SND1: variants seen among roughly 807,000 people sequenced by gnomAD.
The protein encoded by SND1 is staphylococcal nuclease and tudor domain containing 1.
Under a neutral mutation model 121.7 loss-of-function variants are expected in SND1, and 38 were observed. That is an observed-to-expected ratio of 0.31 (90% CI 0.24 to 0.41). SND1 has a LOEUF of 0.41. Ranked by LOEUF, SND1 falls within the 10% of genes least tolerant of loss-of-function variation. The probability of loss-of-function intolerance (pLI) is 1.00; values close to 1 mark genes in which losing one functional copy is unlikely to be tolerated. For missense variants in SND1, 868 were observed against 1,184.6 expected, an observed-to-expected ratio of 0.73 and a Z score of 3.92; for synonymous variants, 401 against 447.4, an observed-to-expected ratio of 0.90 and a Z score of 1.31.
intron 16 of SND1, among the ~76,000 whole-genome samples, chr7:128,000,773 A>T (rs914072394): frequency 6.6e-6 from 1 of 152,184 alleles, no homozygotes; most frequent in Non-Finnish European, 1.5e-5. Flanking sequence ...AATATCCCCT[A>T]TGGAATTACA....
intron 15 of SND1, among the ~76,000 whole-genome samples, chr7:127,939,161 G>A (rs995796721): frequency 9.2e-5 from 14 of 152,198 alleles, no homozygotes; most frequent in African/African-American, 3.1e-4. Context: ...AGAGAGGAGT[G>A]GAGCCAGGTA....
At position 128,092,313 on chromosome 7, in the gene SND1, T is replaced by C; in HGVS notation, c.*255T>C. On this transcript the variant is annotated 3_prime_UTR_variant, in exon 24 of 24. Transcript: ENST00000354725. This position sits in a 1 kb window ranked among gnomAD's most constrained non-coding sequence, Gnocchi z 4.9. The stretch of plus-strand genomic sequence containing the variant: ...TCTGCCAGTTGGTTTTATTTGGAGG[T>C]TTGTGGGCTTTTTTTAAAAAAAAAA... 3 of 472,746 alleles carry C rather than the reference T, an allele frequency of 6.3e-6. No individual in the cohort carries two copies. Among genetic ancestry groups the C allele is most frequent in the Non-Finnish European group, 7.5e-6 (2 of 267,224 alleles). The allele number at this position is 472,746 out of a possible 1,614,324, so 29.3% of individuals were successfully genotyped here. A position where few individuals can be genotyped will look rare whatever the true frequency, so the allele number is the denominator to read the frequency against.
chr7:127,700,173 C>G (rs1369229728), intron 4 of SND1, among the ~76,000 whole-genome samples: 2 of 152,226 alleles, frequency 1.3e-5, no homozygotes, highest in African/African-American at 4.8e-5. Context: ...TGGACCATCT[C>G]AACAAATAAA....
At chr7:127,712,006 C>T (rs1368421015) in intron 9 of SND1, among the ~76,000 whole-genome samples, 1 of 151,704 alleles carries the variant, frequency 6.6e-6, no homozygotes, top group South Asian at 2.1e-4. Context: ...CCTCTCCTCT[C>T]CCCTTCTTGG....
intron 12 of SND1, among the ~76,000 whole-genome samples, chr7:127,875,503 G>A (rs1241108029): frequency 1.3e-5 from 2 of 152,150 alleles, no homozygotes; most frequent in Non-Finnish European, 2.9e-5. Flanking sequence ...AGAGGTATGA[G>A]GGTAGATTGT....
At chr7:127,901,255 T>C (rs1800225256) in intron 13 of SND1, among the ~76,000 whole-genome samples, 1 of 152,132 alleles carries the variant, frequency 6.6e-6, no homozygotes, top group Non-Finnish European at 1.5e-5. Context: ...TGGGTCTCCA[T>C]GTCATGTATC....
chr7:128,062,559 AATTGCCTG>A (rs1562886598), intron 16 of SND1, among the ~76,000 whole-genome samples: 1 of 152,180 alleles, frequency 6.6e-6, no homozygotes, highest in African/African-American at 2.4e-5. Context: ...GAAGCAAGTA[AATTGCCTG>A]ATCCCTAGCT....
chr7:127,912,880 C>G (rs970793779), intron 14 of SND1, among the ~76,000 whole-genome samples: 1 of 152,024 alleles, frequency 6.6e-6, no homozygotes, highest in Non-Finnish European at 1.5e-5. Context: ...TGTGAAAGTT[C>G]TAAAAAAAAG....
chr7:127,726,920 TTC>T (rs1381295047), intron 10 of SND1, among the ~76,000 whole-genome samples: 9 of 152,208 alleles, frequency 5.9e-5, no homozygotes, highest in East Asian at 1.9e-4. Context: ...TTGTATCTGT[TTC>T]TCTGTCTCTG....
At chr7:127,678,239 C>G (rs1413741254) in intron 1 of SND1, among the ~76,000 whole-genome samples, 1 of 152,238 alleles carries the variant, frequency 6.6e-6, no homozygotes, top group East Asian at 1.9e-4. Flanking sequence ...TTATTTTAGG[C>G]AAAAGTTACT....
At chr7:127,896,786 G>A (rs772285715) in intron 13 of SND1, among the ~76,000 whole-genome samples, 6 of 151,892 alleles carry the variant, frequency 4.0e-5, no homozygotes, top group South Asian at 2.1e-4. Flanking sequence ...TCCTTAATTC[G>A]ATTCCTTCTG....
chr7:127,935,791 C>T (rs1801048840), intron 15 of SND1, among the ~76,000 whole-genome samples: 3 of 152,196 alleles, frequency 2.0e-5, no homozygotes, highest in Admixed American at 6.5e-5. Context: ...CTGGAAATGT[C>T]TCTTTGCAGT....
chr7:127,929,147 T>C, intron 14 of SND1, 41 bp from the exon 15 acceptor site: 1 of 1,607,888 alleles, frequency 6.2e-7, no homozygotes, highest in African/African-American at 1.3e-5. Flanking sequence ...ACGTTGGGTT[T>C]TATTACTTTC....
At chr7:128,057,231 G>A (rs1231023967) in intron 16 of SND1, among the ~76,000 whole-genome samples, 1 of 152,206 alleles carries the variant, frequency 6.6e-6, no homozygotes, top group Non-Finnish European at 1.5e-5. Context: ...CACAACTGGG[G>A]CTTCAGAAAA....
In SND1 at chr7:128,021,884, TA is replaced by T. The variant is rs1364418325; in HGVS notation, c.1779+30829del. Among the ~76,000 whole-genome samples the T allele has an allele frequency of 5.9e-5, 9 of 152,032 alleles. 1 individual carries two copies. Among genetic ancestry groups the T allele is most frequent in the Non-Finnish European group, 1.3e-4 (9 of 67,994 alleles). On this transcript the variant is annotated intron_variant, in intron 16 of 23. Coordinates refer to ENST00000354725, the MANE Select transcript of SND1 (RefSeq NM_014390.4). ...CCTGATACAATAATTAATTGAAGGG[TA>T]TTTTTTTATTAGTGGGGCTATAAGA...
intron 10 of SND1, among the ~76,000 whole-genome samples, chr7:127,799,472 A>G (rs887709606): frequency 2.6e-5 from 4 of 152,190 alleles, no homozygotes; most frequent in African/African-American, 7.2e-5. Context: ...ATAGGGCCTT[A>G]AAGATGGGAT....
In SND1 at chr7:127,652,290, G is replaced by A. The variant is rs1402322704; in HGVS notation, c.-84G>A. On this transcript the variant is annotated 5_prime_UTR_variant, in exon 1 of 24. Coordinates refer to ENST00000354725, the MANE Select transcript of SND1 (RefSeq NM_014390.4). ...TGGTAGCCAGCCTGCCCCTCGCCTC[G>A]ACTCCCTTTCACCAACACCGACACC... The A allele has an allele frequency of 5.9e-6, 7 of 1,185,376 alleles. No individual in the cohort carries two copies. Among genetic ancestry groups the A allele is most frequent in the Non-Finnish European group, 6.1e-6 (5 of 813,188 alleles). 73.4% of individuals were successfully genotyped at this position (1,185,376 alleles called of 1,614,324 possible).
chr7:127,937,433 T>C (rs995226110), intron 15 of SND1, among the ~76,000 whole-genome samples: 2 of 152,072 alleles, frequency 1.3e-5, no homozygotes, highest in South Asian at 2.1e-4. Context: ...TTCCTCTCTT[T>C]CCGTCTCCCA....
At chr7:128,005,455 G>A (rs1330417523) in intron 16 of SND1, among the ~76,000 whole-genome samples, 1 of 152,174 alleles carries the variant, frequency 6.6e-6, no homozygotes, top group African/African-American at 2.4e-5. Flanking sequence ...TTGTGTTTCT[G>A]TAATTTGTAC....
Sources: allele counts gnomAD v4.1 joint callset (sites outside exome capture counted in the v4.1 genomes callset), GRCh38; gene constraint gnomAD v4.1.1; non-coding constraint Gnocchi (gnomAD v3.1); transcripts MANE v1.5; gene names NCBI Gene and HGNC (gene_info 2026-07-23, HGNC 2026-07-21).